The following CEP126 variants were observed in gnomAD, a reference collection of about 807,000 sequenced individuals.
CEP126 encodes centrosomal protein of 126 kDa.
In CEP126, 74 loss-of-function variants were observed where a neutral mutation model predicts 107.8. The ratio of observed to expected loss-of-function variants is 0.69; its 90% confidence interval spans 0.57 to 0.83. The LOEUF is 0.83. Ranked by LOEUF, CEP126 falls within the 40% of genes least tolerant of loss-of-function variation. The pLI is 0.00. For missense variants in CEP126, 1,237 were observed against 1,281.9 expected, an observed-to-expected ratio of 0.96 and a Z score of 0.53; for synonymous variants, 449 against 446.0, an observed-to-expected ratio of 1.01 and a Z score of -0.08.
chr11:101,997,684 C>T lies in CEP126; in HGVS notation c.*41C>T, dbSNP rs1783742. The T allele has an allele frequency of 0.49, 797,406 of 1,611,512 alleles. 201,113 individuals carry two copies. The highest frequency in any genetic ancestry group is 0.77 in the East Asian group (34,555 of 44,826). ...TCTAAGAAGACCTTTCATGTACTTCCCTAGGACTAGATGCATACCGTTTTG... is the reference window on the plus strand; with the variant it reads ...TCTAAGAAGACCTTTCATGTACTTCTCTAGGACTAGATGCATACCGTTTTG... On this transcript the variant is annotated 3_prime_UTR_variant, in exon 11 of 11. Transcript: ENST00000263468.
At chr11:101,979,048 C>T (rs1179743322) in intron 7 of CEP126, among the ~76,000 whole-genome samples, 1 of 151,992 alleles carries the variant, frequency 6.6e-6, no homozygotes, top group African/African-American at 2.4e-5. Context: ...AGGAGAATTG[C>T]TTGAACCTGG....
At chr11:101,925,374 A>G (rs1041118142) in intron 2 of CEP126, among the ~76,000 whole-genome samples, 1 of 152,148 alleles carries the variant, frequency 6.6e-6, no homozygotes, top group African/African-American at 2.4e-5. Context: ...GCATTTATTC[A>G]CTCAACATGG....
chr11:101,966,507 A>G (rs1941059023), intron 6 of CEP126, among the ~76,000 whole-genome samples: 1 of 152,232 alleles, frequency 6.6e-6, no homozygotes, highest in Non-Finnish European at 1.5e-5. Context: ...AATTAGATCC[A>G]AGCCATTCGA....
At chr11:101,977,404 G>A (rs1036240245) in intron 6 of CEP126, among the ~76,000 whole-genome samples, 2 of 151,814 alleles carry the variant, frequency 1.3e-5, no homozygotes, top group Non-Finnish European at 2.9e-5. Context: ...AGGACGAGGC[G>A]GGCAGATCAC....
chr11:101,943,555 C>G (rs887422169), intron 2 of CEP126, among the ~76,000 whole-genome samples: 1 of 150,890 alleles, frequency 6.6e-6, no homozygotes, highest in Admixed American at 6.6e-5. Flanking sequence ...TACACACACA[C>G]ACACACAGTC....
chr11:101,940,248 G>A (rs866375532), intron 2 of CEP126, among the ~76,000 whole-genome samples: 2 of 152,186 alleles, frequency 1.3e-5, no homozygotes, highest in Admixed American at 6.5e-5. Flanking sequence ...AATAATGCAT[G>A]ACATAGTGCT....
At chr11:101,928,705 G>A (rs1940447489) in intron 2 of CEP126, among the ~76,000 whole-genome samples, 2 of 152,050 alleles carry the variant, frequency 1.3e-5, no homozygotes, top group African/African-American at 4.8e-5. Flanking sequence ...GAGCATATTT[G>A]TATGCATCTA....
intron 6 of CEP126, among the ~76,000 whole-genome samples, chr11:101,967,268 A>G (rs919289893): frequency 6.6e-6 from 1 of 151,808 alleles, no homozygotes; most frequent in Non-Finnish European, 1.5e-5. Context: ...CTTCCCACTC[A>G]GTCTCCCAAA....
rs1003422229 is a variant in CEP126, at chr11:101,958,260, T to G, written c.599T>G (p.Met200Arg). Residue 200 changes from methionine to arginine, a missense_variant, in exon 5 of 11, where the codon ATG becomes AGG. Met to Arg is a moderately conservative substitution (Grantham distance 91). This residue lies in a region of CEP126 where 1,134 missense variants were observed against 1,150.5 expected (regional missense o/e 0.99). Coordinates refer to ENST00000263468, the MANE Select transcript of CEP126 (RefSeq NM_020802.4). Reference sequence around the variant, plus strand: ...TCCAAAATCAATTGTGAGAAAGAAATGAATGAAAACATGAGGGCAACCTTG... The same window carrying G: ...TCCAAAATCAATTGTGAGAAAGAAAGGAATGAAAACATGAGGGCAACCTTG... ...LLSKINCEKE[M>R]NENMRATLAT... The G allele has an allele frequency of 1.2e-6, 2 of 1,613,852 alleles. No individual in the cohort carries two copies. The highest frequency in any genetic ancestry group is 1.3e-5 in the African/African-American group (1 of 74,920).
intron 5 of CEP126, among the ~76,000 whole-genome samples, chr11:101,960,234 A>G (rs1940953352): frequency 6.6e-6 from 1 of 152,234 alleles, no homozygotes; most frequent in Non-Finnish European, 1.5e-5. Flanking sequence ...AGTGGTGGGA[A>G]AAAATCTGAA....
intron 9 of CEP126, among the ~76,000 whole-genome samples, chr11:101,988,744 G>C (rs777716271): frequency 6.6e-6 from 1 of 150,968 alleles, no homozygotes; most frequent in African/African-American, 2.4e-5. Context: ...AGACAAAAAC[G>C]AAGAGACTTT....
In CEP126 at chr11:101,975,481, C is replaced by A. The variant is rs115969252; in HGVS notation, c.2846-2866C>A. On this transcript the variant is annotated intron_variant, in intron 6 of 10. Transcript: ENST00000263468. ...TAGAAGTTTAGATTTTAGAGCCCAA[C>A]TAATTGGAGCTGAATCCCAGCTTTG... Among the ~76,000 whole-genome samples the A allele has an allele frequency of 7.9e-3, 1,197 of 152,290 alleles. 21 individuals are homozygous for A. Among genetic ancestry groups the A allele is most frequent in the African/African-American group, 0.027 (1,139 of 41,554 alleles).
chr11:101,935,117 C>A (rs1420331267), intron 2 of CEP126, among the ~76,000 whole-genome samples: 3 of 151,874 alleles, frequency 2.0e-5, no homozygotes, highest in Non-Finnish European at 4.4e-5. Flanking sequence ...TTTCACTTGC[C>A]TGATGTGCCA....
intron 4 of CEP126, among the ~76,000 whole-genome samples, chr11:101,953,891 G>A (rs1465006038): frequency 2.0e-5 from 3 of 151,964 alleles, no homozygotes; most frequent in Non-Finnish European, 4.4e-5. Context: ...GATTTATTTA[G>A]ACTAATTTTA....
In CEP126 at chr11:101,962,765, G is replaced by C; in HGVS notation, c.1730G>C (p.Ser577Thr). Reference protein sequence around the residue: ...HERNGVRFLKSILKKESKYEH... With the variant: ...HERNGVRFLKTILKKESKYEH... ...AGAAATGGTGTGAGATTTCTTAAAA[G>C]TATTTTAAAGAAAGAATCTAAATAT... The change falls in exon 6 of 11, where the codon AGT (serine) becomes ACT (threonine). Residue 577 changes from serine to threonine, a missense_variant. By Grantham distance (58) the Ser-to-Thr change is moderately conservative. Around this residue, in one of 3 missense-constraint regions of CEP126, gnomAD observed 1,134 missense variants for 1,150.5 expected, o/e 0.99. Coordinates refer to ENST00000263468, the MANE Select transcript of CEP126 (RefSeq NM_020802.4). 1 of 1,605,176 alleles carries C rather than the reference G, an allele frequency of 6.2e-7. No homozygotes were observed. Among genetic ancestry groups the C allele is most frequent in the Non-Finnish European group, 8.5e-7 (1 of 1,177,346 alleles).
chr11:101,919,973 C>G (rs941735055), intron 1 of CEP126, among the ~76,000 whole-genome samples: 1 of 152,162 alleles, frequency 6.6e-6, no homozygotes, highest in Non-Finnish European at 1.5e-5. Flanking sequence ...AATATTCTAT[C>G]AGAGAAAAAC....
At chr11:101,918,181 C>T (rs1218527635) in intron 1 of CEP126, among the ~76,000 whole-genome samples, 2 of 152,160 alleles carry the variant, frequency 1.3e-5, no homozygotes, top group Non-Finnish European at 1.5e-5. Flanking sequence ...GGCCCAGTGG[C>T]TCACATCTGT....
intron 7 of CEP126, among the ~76,000 whole-genome samples, chr11:101,981,306 A>G (rs1941251626): frequency 6.6e-6 from 1 of 151,588 alleles, no homozygotes; most frequent in South Asian, 2.1e-4. Context: ...ACTTTTTTTT[A>G]TTTTTGAGAC....
At chr11:101,981,086 TG>T (rs1419840847) in intron 7 of CEP126, among the ~76,000 whole-genome samples, 1 of 152,226 alleles carries the variant, frequency 6.6e-6, no homozygotes, top group Admixed American at 6.5e-5. Flanking sequence ...GTACACTTTT[TG>T]CCAGTGTTCT....
Sources: gnomAD v4.1 joint callset for allele counts (sites outside exome capture counted in the v4.1 genomes callset) on GRCh38, gnomAD v4.1.1 for gene constraint, gnomAD v4.1.1 regional missense constraint, MANE v1.5 for transcripts, NCBI Gene and HGNC (gene_info 2026-07-23, HGNC 2026-07-21) for gene names.